SGCD: variants seen among roughly 807,000 people sequenced by gnomAD.
SGCD encodes the protein delta-sarcoglycan.
A neutral mutation model predicts 36.6 loss-of-function variants in SGCD; 18 were observed. The ratio of observed to expected loss-of-function variants is 0.49; its 90% CI spans 0.34 to 0.73. The LOEUF is 0.73. Ranked by LOEUF, SGCD falls within the 30% of genes least tolerant of loss-of-function variation. The pLI is 0.01. For missense variants in SGCD, 387 were observed against 346.7 expected (o/e 1.12, Z -0.92); for synonymous variants, 133 against 130.6 (o/e 1.02, Z -0.12).
At chr5:156,629,517 C>T (rs1762552912) in intron 6 of SGCD, among the ~76,000 whole-genome samples, 1 of 152,140 alleles carries the variant, frequency 6.6e-6, no homozygotes, top group African/African-American at 2.4e-5. Context: ...GTTGATTGGC[C>T]CATGCAGGCA....
At position 155,984,809 on chromosome 5, in the gene SGCD, G is replaced by A. The variant is rs1023216714; in HGVS notation, c.-282+114385G>A. On this transcript the variant is annotated intron_variant, in intron 1 of 9. Transcript: ENST00000517913. ...CTGATATAGACCCTCTTAGTGCCAG[G>A]TGCTCCCCCTCCGTTTTATTCATCA... Among the ~76,000 whole-genome samples, 3 of 152,086 alleles carry A rather than the reference G, an allele frequency of 2.0e-5. No individual in the cohort carries two copies. The East Asian group carries it at 5.8e-4, about 29-fold the overall frequency.
intron 6 of SGCD, among the ~76,000 whole-genome samples, chr5:156,621,394 T>C (rs1186655708): frequency 6.6e-6 from 1 of 152,158 alleles, no homozygotes; most frequent in Non-Finnish European, 1.5e-5. Flanking sequence ...GGTTTCACCG[T>C]ATTGACCAGG....
chr5:155,806,433 A>C, the SGCD span, among the ~76,000 whole-genome samples: 1 of 152,228 alleles, frequency 6.6e-6, no homozygotes. Context: ...GATTACAGGC[A>C]TAAGCCATCG....
intron 7 of SGCD, among the ~76,000 whole-genome samples, chr5:156,649,439 T>C (rs1420091075): frequency 1.3e-5 from 2 of 152,122 alleles, no homozygotes; most frequent in African/African-American, 4.8e-5. Context: ...CTATTCATAA[T>C]AGCAAAGACT....
chr5:155,779,585 A>G, the SGCD span, among the ~76,000 whole-genome samples: 225 of 152,252 alleles, frequency 1.5e-3, no homozygotes, highest in African/African-American at 5.2e-3. Context: ...CTTACCTTAA[A>G]AAATGTTGTC....
chr5:156,259,114 GTTTATTTA>G (rs561763416), intron 3 of SGCD, among the ~76,000 whole-genome samples: 52 of 146,772 alleles, frequency 3.5e-4, no homozygotes, highest in South Asian at 4.3e-4. Context: ...AACACTGGCT[GTTTATTTA>G]TTTATTTATT....
intron 4 of SGCD, among the ~76,000 whole-genome samples, chr5:156,584,704 C>G (rs958656999): frequency 3.9e-5 from 6 of 152,176 alleles, no homozygotes; most frequent in African/African-American, 1.4e-4. Flanking sequence ...TTCTACCATT[C>G]CTTGCACTGC....
intron 8 of SGCD, 175 bp downstream of exon 8, chr5:156,757,879 C>T: frequency 7.8e-7 from 1 of 1,285,946 alleles, no homozygotes; most frequent in Non-Finnish European, 9.9e-7. Flanking sequence ...ACCCACAATC[C>T]ATCAAAGTGA....
rs185642016 is a variant in SGCD at position 155,920,080 on chromosome 5, G to A, written c.-282+49656G>A. Among the ~76,000 whole-genome samples, 189 of 152,286 alleles carry A rather than the reference G, an allele frequency of 1.2e-3. 1 individual carries two copies. The highest frequency in any genetic ancestry group is 2.2e-3 in the Non-Finnish European group (148 of 68,034). On this transcript the variant is annotated intron_variant, in intron 1 of 9. Transcript: ENST00000517913. ...GCGATTATTCTTGGACAGAGGCAAT[G>A]AGTGGCATGTCCTGGCTGCCTCAGA...
chr5:155,948,708 A>G (rs1757490634), intron 1 of SGCD, among the ~76,000 whole-genome samples: 1 of 152,106 alleles, frequency 6.6e-6, no homozygotes, highest in African/African-American at 2.4e-5. Context: ...TGAAGAAGGG[A>G]GTAGTGGAGA....
chr5:156,177,953 T>C (rs966871451), intron 3 of SGCD, among the ~76,000 whole-genome samples: 7 of 152,218 alleles, frequency 4.6e-5, no homozygotes, highest in African/African-American at 1.7e-4. Flanking sequence ...ATTGAAAATA[T>C]AAGAAGTCAA....
At chr5:156,644,675 T>A (rs1763162041) in intron 6 of SGCD, among the ~76,000 whole-genome samples, 1 of 152,126 alleles carries the variant, frequency 6.6e-6, no homozygotes, top group South Asian at 2.1e-4. Flanking sequence ...GTACACCTCA[T>A]AAAATTTTAG....
chr5:155,990,194 AAGG>A (rs1758404261), intron 1 of SGCD, among the ~76,000 whole-genome samples: 1 of 152,138 alleles, frequency 6.6e-6, no homozygotes, highest in Non-Finnish European at 1.5e-5. Context: ...TTTTAAACTA[AAGG>A]TTCTGAGCAG....
chr5:156,386,074 G>C (rs951134490), intron 3 of SGCD, among the ~76,000 whole-genome samples: 3 of 152,144 alleles, frequency 2.0e-5, no homozygotes, highest in African/African-American at 7.2e-5. Flanking sequence ...GTGTAAATAT[G>C]GTCAGAATGC....
intron 3 of SGCD, among the ~76,000 whole-genome samples, chr5:156,422,648 GT>G (rs745693011): frequency 1.3e-5 from 2 of 152,054 alleles, no homozygotes; most frequent in Non-Finnish European, 2.9e-5. Flanking sequence ...ATAAAGCAGG[GT>G]TTCTCAACAA....
intron 3 of SGCD, among the ~76,000 whole-genome samples, chr5:156,137,779 T>C (rs1762493276): frequency 1.3e-5 from 2 of 152,252 alleles, no homozygotes; most frequent in Non-Finnish European, 1.5e-5. Context: ...AGTGGTAGAA[T>C]TCCTGCCTGC....
At chr5:156,471,418 G>T (rs190811664) in intron 3 of SGCD, among the ~76,000 whole-genome samples, 2 of 152,120 alleles carry the variant, frequency 1.3e-5, no homozygotes, top group East Asian at 3.9e-4. Flanking sequence ...AATTAAGATA[G>T]GTATGATGTT....
chr5:156,198,397 C>A (rs1312435081), intron 3 of SGCD, among the ~76,000 whole-genome samples: 1 of 152,098 alleles, frequency 6.6e-6, no homozygotes, highest in Non-Finnish European at 1.5e-5. Flanking sequence ...TTGAGAGACA[C>A]CATGCTAGGT....
intron 3 of SGCD, among the ~76,000 whole-genome samples, chr5:156,148,814 A>G (rs910791408): frequency 1.1e-4 from 16 of 152,160 alleles, no homozygotes; most frequent in African/African-American, 3.6e-4. Flanking sequence ...CATTCAATCT[A>G]TATCTAATCT....
Sources: allele counts gnomAD v4.1 joint callset (sites outside exome capture counted in the v4.1 genomes callset), GRCh38; gene constraint gnomAD v4.1.1; transcripts MANE v1.5; gene names NCBI Gene and HGNC (gene_info 2026-07-23, HGNC 2026-07-21).